The following HACD2 variants were observed in gnomAD, a reference collection of about 807,000 sequenced individuals.
The protein encoded by HACD2 is very-long-chain (3R)-3-hydroxyacyl-CoA dehydratase 2.
Under a neutral mutation model 31.0 loss-of-function variants are expected in HACD2, and 15 were observed. The observed-to-expected ratio is 0.48, with a 90% CI of 0.32 to 0.75. HACD2 has a LOEUF of 0.75. Ranked by LOEUF, HACD2 falls within the 30% of genes least tolerant of loss-of-function variation. The pLI, the probability that HACD2 is intolerant of heterozygous loss-of-function variation, is 0.03. For missense variants in HACD2, 283 were observed against 313.0 expected (o/e 0.90, Z 0.72); for synonymous variants, 115 against 122.2 (o/e 0.94, Z 0.39).
At position 123,571,367 on chromosome 3, in the gene HACD2, G is replaced by A. The variant is rs534341587; in HGVS notation, c.274-3587C>T. On this transcript the variant is annotated intron_variant, in intron 2 of 6. Transcript: ENST00000383657. The stretch of plus-strand genomic sequence containing the variant: ...AAAGTCTCAAGTCAATTGATTTGAA[G>A]ATACAGATATTATGTGGGTGGACCA... Among the ~76,000 whole-genome samples, 246 of 152,256 alleles carry A rather than the reference G, an allele frequency of 1.6e-3. 1 individual carries two copies. Among genetic ancestry groups the A allele is most frequent in the Non-Finnish European group, 2.9e-3 (194 of 68,024 alleles).
chr3:123,493,437 C>G lies in HACD2; in HGVS notation c.*1451G>C, dbSNP rs759320888. On this transcript the variant is annotated 3_prime_UTR_variant, in exon 7 of 7. Coordinates refer to ENST00000383657, the MANE Select transcript of HACD2 (RefSeq NM_198402.5). The stretch of plus-strand genomic sequence containing the variant: ...TTTTAAATGACAACTACTCAATAAG[C>G]TAAACTTTTAAACTCTTAAAGTTCA... 6.6e-6 allele frequency: 1 copy of G among 152,198 alleles called. No homozygotes were observed. The highest frequency in any genetic ancestry group is 1.5e-5 in the Non-Finnish European group (1 of 68,036). The allele number at this position is 152,198 out of a possible 1,614,324, so 9.4% of individuals were successfully genotyped here.
chr3:123,496,325 G>T (rs1365853429), intron 6 of HACD2, among the ~76,000 whole-genome samples: 1 of 152,150 alleles, frequency 6.6e-6, no homozygotes, highest in Admixed American at 6.6e-5. Context: ...GCCCAGCCCA[G>T]TCTCTCTTTT....
At chr3:123,560,115 G>A (rs1374817552) in intron 3 of HACD2, among the ~76,000 whole-genome samples, 1 of 152,192 alleles carries the variant, frequency 6.6e-6, no homozygotes. Flanking sequence ...GAGAACAGGG[G>A]CTGAAGCTTT....
Position 123,565,312 on chromosome 3 carries a change from T to C in HACD2, c.292+2450A>G, listed in dbSNP as rs143470618. On this transcript the variant is annotated intron_variant, in intron 3 of 6. Transcript: ENST00000383657. Reference sequence around the variant, plus strand: ...CACATGCTTGGTGCTGTACCCTGAATGTCTACGTCCCTCCAAAATTCCTAT... The same window carrying C: ...CACATGCTTGGTGCTGTACCCTGAACGTCTACGTCCCTCCAAAATTCCTAT... Among the ~76,000 whole-genome samples, 45 of 152,292 alleles carry C rather than the reference T, an allele frequency of 3.0e-4. No individual in the cohort carries two copies. In the Middle Eastern group the frequency reaches 0.014, roughly 46 times the overall value.
intron 3 of HACD2, among the ~76,000 whole-genome samples, chr3:123,534,798 T>TTGTGTGTGTGTGTG (rs71142740): frequency 0.045 from 6,757 of 148,608 alleles, 339 homozygotes; most frequent in East Asian, 0.25. Context: ...AGACGTAGGC[T>TTGTGTGTGTGTGTG]TGTGTGTGTG....
At chr3:123,580,969 G>A (rs549505479) in intron 2 of HACD2, among the ~76,000 whole-genome samples, 1 of 149,854 alleles carries the variant, frequency 6.7e-6, no homozygotes, top group Non-Finnish European at 1.5e-5. Flanking sequence ...CCACACGCCC[G>A]TGCCACCACA....
At chr3:123,574,070 C>T (rs556547472) in intron 2 of HACD2, among the ~76,000 whole-genome samples, 1 of 152,098 alleles carries the variant, frequency 6.6e-6, no homozygotes, top group Admixed American at 6.5e-5. Flanking sequence ...GTCTTCATAC[C>T]CAAACTGTGA....
chr3:123,544,723 A>C (rs2056536408), intron 3 of HACD2, among the ~76,000 whole-genome samples: 1 of 152,220 alleles, frequency 6.6e-6, no homozygotes, highest in Non-Finnish European at 1.5e-5. Flanking sequence ...GTCAAGAGAT[A>C]TCTCAGCTAA....
chr3:123,510,934 TTTTTTTTTTTG>T (rs1487197146), intron 4 of HACD2, among the ~76,000 whole-genome samples: 48 of 61,822 alleles, frequency 7.8e-4, no homozygotes, highest in South Asian at 1.0e-3. Context: ...TTTGCTGTGT[TTTTTTTTTTTG>T]TTTTTTTTTG....
intron 4 of HACD2, among the ~76,000 whole-genome samples, chr3:123,527,398 G>A (rs1296454230): frequency 6.6e-6 from 1 of 152,194 alleles, no homozygotes; most frequent in Non-Finnish European, 1.5e-5. Context: ...GAAATCTCAT[G>A]CTGTCCCACT....
At chr3:123,547,250 T>G (rs556782878) in intron 3 of HACD2, among the ~76,000 whole-genome samples, 1 of 152,182 alleles carries the variant, frequency 6.6e-6, no homozygotes, top group Non-Finnish European at 1.5e-5. Flanking sequence ...AGGAAAAAAT[T>G]TCCACCCATA....
intron 3 of HACD2, among the ~76,000 whole-genome samples, chr3:123,544,119 G>A (rs1237939798): frequency 6.6e-6 from 1 of 152,168 alleles, no homozygotes; most frequent in African/African-American, 2.4e-5. Context: ...TACGGGGGTG[G>A]TGGCAGTGGT....
At chr3:123,502,881 G>A (rs2055922459) in intron 4 of HACD2, 200 bp from the exon 5 acceptor site, 1 of 518,084 alleles carries the variant, frequency 1.9e-6, no homozygotes, top group Non-Finnish European at 3.4e-6. Context: ...TGAGGGCCAA[G>A]TGCAAAGGGC....
intron 4 of HACD2, among the ~76,000 whole-genome samples, chr3:123,522,052 T>C (rs1182971113): frequency 6.6e-6 from 1 of 152,118 alleles, no homozygotes; most frequent in Admixed American, 6.6e-5. Context: ...ATGCCTGTAA[T>C]TCCAGCACTC....
In HACD2 at chr3:123,585,010, C is replaced by G; in HGVS notation, c.18G>C (p.Ala6=). ...CCCCATTCCCCTTCGCTGCTGCAGT[C>G]GCCGCCACTGCCGCCATGTCAAGTG... MAAVA[A]TAAAKGNGGG... Residue 6 remains alanine (A), a synonymous_variant, in exon 1 of 7, where the codon GCG becomes GCC. Coordinates refer to ENST00000383657, the MANE Select transcript of HACD2 (RefSeq NM_198402.5). 6.6e-7 allele frequency: 1 copy of G among 1,510,838 alleles called. No individual in the cohort carries two copies. The highest frequency in any genetic ancestry group is 1.4e-5 in the African/African-American group (1 of 69,290). The allele number at this position is 1,510,838 out of a possible 1,614,324, so 93.6% of individuals were successfully genotyped here. A position where few individuals can be genotyped will look rare whatever the true frequency, so the allele number is the denominator to read the frequency against.
intron 4 of HACD2, among the ~76,000 whole-genome samples, chr3:123,526,627 G>T (rs1563422): frequency 0.77 from 116,987 of 151,462 alleles, 47,378 homozygotes; most frequent in Non-Finnish European, 0.89. Context: ...ATATGGAAAT[G>T]TAATGAGTAT....
At chr3:123,563,654 C>T (rs1182235708) in intron 3 of HACD2, among the ~76,000 whole-genome samples, 1 of 89,578 alleles carries the variant, frequency 1.1e-5, no homozygotes, top group Admixed American at 1.3e-4. Context: ...TACACACACA[C>T]ACACACACAC....
intron 3 of HACD2, among the ~76,000 whole-genome samples, chr3:123,540,725 T>C (rs775370135): frequency 1.3e-5 from 2 of 152,184 alleles, no homozygotes; most frequent in Non-Finnish European, 1.5e-5. Flanking sequence ...ATGGTTCATA[T>C]GTATTTCACC....
intron 2 of HACD2, among the ~76,000 whole-genome samples, chr3:123,570,812 A>T (rs2056846382): frequency 6.6e-6 from 1 of 152,170 alleles, no homozygotes; most frequent in Non-Finnish European, 1.5e-5. Flanking sequence ...CTGTAATGCA[A>T]GAGGCAATAA....
Sources: gnomAD v4.1 joint callset for allele counts (sites outside exome capture counted in the v4.1 genomes callset) on GRCh38, gnomAD v4.1.1 for gene constraint, MANE v1.5 for transcripts, NCBI Gene and HGNC (gene_info 2026-07-23, HGNC 2026-07-21) for gene names.